CRYBG3: variants seen among roughly 807,000 people sequenced by gnomAD.
The protein encoded by CRYBG3 is very large A-kinase anchor protein.
CRYBG3 carries 127 observed loss-of-function variants against 244.2 expected under a neutral mutation model. That is an observed-to-expected ratio of 0.52 (90% CI 0.45 to 0.60). CRYBG3 has a LOEUF of 0.60. Among genes scored for constraint, CRYBG3 ranks in the 20% least tolerant of loss-of-function variants. The pLI, the probability that CRYBG3 is intolerant of heterozygous loss-of-function variation, is 0.00. For synonymous variants in CRYBG3, 1,132 were observed against 1,195.8 expected (o/e 0.95, Z 1.10); for missense variants, 3,325 against 3,442.5 (o/e 0.97, Z 0.85).
rs557428576 is a variant in CRYBG3, at chr3:97,895,433, C to T, written c.7575-526C>T. Among the ~76,000 whole-genome samples the T allele has an allele frequency of 7.9e-5, 12 of 152,220 alleles. No individual in the cohort carries two copies. In the East Asian group the frequency reaches 1.2e-3, roughly 15 times the overall value. On this transcript the variant is annotated intron_variant, in intron 11 of 21. Transcript: ENST00000389622. Reference sequence around the variant, plus strand: ...GCCCTGAAGCTAATAATAGCTCAGTCGAATTTCTTGGTTCCTCTTTGATAA... The same window carrying T: ...GCCCTGAAGCTAATAATAGCTCAGTTGAATTTCTTGGTTCCTCTTTGATAA...
chr3:97,865,668 AG>A (rs1375530821), intron 3 of CRYBG3, among the ~76,000 whole-genome samples: 2 of 152,210 alleles, frequency 1.3e-5, no homozygotes, highest in African/African-American at 2.4e-5. Context: ...CGAGCAGAGT[AG>A]GCAGCCTAGA....
chr3:97,834,425 T>G (rs1364624876), intron 1 of CRYBG3, among the ~76,000 whole-genome samples: 1 of 152,116 alleles, frequency 6.6e-6, no homozygotes, highest in Non-Finnish European at 1.5e-5. Context: ...TAGTAGAAAT[T>G]TTTACCTTTC....
At chr3:97,855,739 C>T (rs1345498652) in intron 2 of CRYBG3, among the ~76,000 whole-genome samples, 1 of 152,042 alleles carries the variant, frequency 6.6e-6, no homozygotes, top group African/African-American at 2.4e-5. Flanking sequence ...CTGTGATGCC[C>T]CACAGGCTGC....
chr3:97,882,592 T>TC (rs1234371927), intron 7 of CRYBG3, among the ~76,000 whole-genome samples: 1 of 152,188 alleles, frequency 6.6e-6, no homozygotes, highest in East Asian at 1.9e-4. Context: ...TCACATGTAT[T>TC]CTTAAGATTT....
At chr3:97,822,580 G>A (rs1005837228) in intron 1 of CRYBG3, among the ~76,000 whole-genome samples, 1 of 152,098 alleles carries the variant, frequency 6.6e-6, no homozygotes, top group East Asian at 1.9e-4. Context: ...GTTCTTGCCC[G>A]GCAGCCGGAC....
intron 2 of CRYBG3, among the ~76,000 whole-genome samples, chr3:97,848,418 C>T (rs1302604180): frequency 6.6e-6 from 1 of 152,158 alleles, no homozygotes; most frequent in Admixed American, 6.5e-5. Flanking sequence ...TCTCCTGCCT[C>T]ACCCTCCCGA....
At chr3:97,910,580 T>G (rs983949716) in intron 15 of CRYBG3, among the ~76,000 whole-genome samples, 2 of 152,222 alleles carry the variant, frequency 1.3e-5, no homozygotes, top group Non-Finnish European at 2.9e-5. Flanking sequence ...GCTTCCCAAG[T>G]GAGGCAATGC....
At chr3:97,842,481 AG>A (rs1328431739) in intron 1 of CRYBG3, among the ~76,000 whole-genome samples, 1 of 152,010 alleles carries the variant, frequency 6.6e-6, no homozygotes, top group African/African-American at 2.4e-5. Context: ...GGATTGCTTG[AG>A]CCCAAGAGGC....
rs831904 is a variant in CRYBG3, at chr3:97,888,776, A to C, written c.7404+321A>C. Among the ~76,000 whole-genome samples the C allele has an allele frequency of 2.5e-3, 380 of 152,196 alleles. 3 individuals carry two copies. In the East Asian group the frequency reaches 0.025, roughly 10 times the overall value. On this transcript the variant is annotated intron_variant, in intron 9 of 21. Coordinates refer to ENST00000389622, the MANE Select transcript of CRYBG3 (RefSeq NM_153605.4). The stretch of plus-strand genomic sequence containing the variant: ...CACAACGTGGAGTAGCACTTGAAAC[A>C]AAAAAAACTACAGAATTGGGGTTTT...
intron 7 of CRYBG3, among the ~76,000 whole-genome samples, chr3:97,884,049 CAGTT>C (rs375881083): frequency 7.2e-4 from 110 of 152,252 alleles, no homozygotes; most frequent in African/African-American, 2.4e-3. Context: ...TTGTGTGAGA[CAGTT>C]AGTTACGTAT....
At chr3:97,859,967 C>G (rs1576526549) in intron 2 of CRYBG3, among the ~76,000 whole-genome samples, 1 of 152,168 alleles carries the variant, frequency 6.6e-6, no homozygotes, top group Admixed American at 6.5e-5. Flanking sequence ...TAGTCACTCC[C>G]TTTCCAACAA....
At chr3:97,936,959 A>T (rs769173993) in intron 19 of CRYBG3, 51 bp downstream of exon 19, 1 of 1,587,934 alleles carries the variant, frequency 6.3e-7, no homozygotes, top group East Asian at 2.3e-5. Context: ...TTGTGGTAGA[A>T]ATGTCATAAA....
At chr3:97,888,102 G>A (rs1354502751) in intron 8 of CRYBG3, among the ~76,000 whole-genome samples, 1 of 152,184 alleles carries the variant, frequency 6.6e-6, no homozygotes, top group African/African-American at 2.4e-5. Context: ...CTAATGATTG[G>A]AAAATGTATC....
intron 10 of CRYBG3, among the ~76,000 whole-genome samples, chr3:97,892,348 A>C (rs1373655733): frequency 6.6e-6 from 1 of 152,108 alleles, no homozygotes; most frequent in South Asian, 2.1e-4. Context: ...AAACAAGATG[A>C]ATTTTTTCCT....
intron 15 of CRYBG3, among the ~76,000 whole-genome samples, chr3:97,909,749 G>C (rs199910879): frequency 6.6e-6 from 1 of 150,496 alleles, no homozygotes; most frequent in African/African-American, 2.4e-5. Context: ...CTCTCAGCTC[G>C]TCAAAGTCAT....
intron 17 of CRYBG3, among the ~76,000 whole-genome samples, chr3:97,921,302 T>G (rs757836454): frequency 6.6e-6 from 1 of 152,168 alleles, no homozygotes; most frequent in Non-Finnish European, 1.5e-5. Context: ...CACTTTCTCC[T>G]TTTCATCACA....
intron 1 of CRYBG3, among the ~76,000 whole-genome samples, chr3:97,839,994 C>T (rs1397056865): frequency 6.6e-6 from 1 of 151,892 alleles, no homozygotes; most frequent in African/African-American, 2.4e-5. Context: ...TTTATATTCT[C>T]GTTGGGAAGA....
chr3:97,877,539 C>T lies in CRYBG3; in HGVS notation c.6345C>T (p.Asp2115=). ...PGHHGPRKSR[D]SENQSSSVLS... ...ACCATGGCCCCAGGAAATCAAGAGACAGTGAAAACCAGTCCTCTTCTGTTT... is the reference window on the plus strand; with the variant it reads ...ACCATGGCCCCAGGAAATCAAGAGATAGTGAAAACCAGTCCTCTTCTGTTT... Residue 2115 remains aspartate (D), a synonymous_variant, in exon 4 of 22, where the codon GAC becomes GAT. Transcript: ENST00000389622. The T allele has an allele frequency of 1.9e-6, 3 of 1,614,068 alleles. No individual in the cohort carries two copies. Among genetic ancestry groups the T allele is most frequent in the Non-Finnish European group, 2.5e-6 (3 of 1,180,000 alleles).
At chr3:97,896,299 T>TTTTGAGTA (rs1192410892) in intron 12 of CRYBG3, among the ~76,000 whole-genome samples, 1 of 152,204 alleles carries the variant, frequency 6.6e-6, no homozygotes, top group Non-Finnish European at 1.5e-5. Flanking sequence ...CGTAATCATC[T>TTTTGAGTA]TTTGAGTACC....
Sources: allele counts gnomAD v4.1 joint callset (sites outside exome capture counted in the v4.1 genomes callset), GRCh38; gene constraint gnomAD v4.1.1; transcripts MANE v1.5; gene names NCBI Gene and HGNC (gene_info 2026-07-23, HGNC 2026-07-21).